Variants in ASAH2 observed in about 807,000 individuals in gnomAD.
ASAH2 encodes the protein neutral ceramidase.
In ASAH2, 58 loss-of-function variants were observed where a neutral mutation model predicts 82.9. The ratio of observed to expected loss-of-function variants is 0.70; its 90% CI spans 0.57 to 0.87. The LOEUF (loss-of-function observed/expected upper bound fraction) is 0.87. Among genes scored for constraint, ASAH2 ranks in the 40% least tolerant of loss-of-function variants. The pLI is 0.00. For missense variants in ASAH2, 779 were observed against 834.0 expected (o/e 0.93, Z 0.81); for synonymous variants, 276 against 289.7 (o/e 0.95, Z 0.48).
intron 4 of ASAH2, among the ~76,000 whole-genome samples, chr10:50,242,795 T>A (rs1288795832): frequency 6.6e-6 from 1 of 152,238 alleles, no homozygotes; most frequent in Non-Finnish European, 1.5e-5. Context: ...TGCGTTTTAA[T>A]TCGCATCCGA....
At position 50,210,857 on chromosome 10, in the gene ASAH2, A is replaced by G. The variant is rs1176840827; in HGVS notation, c.1380T>C (p.Thr460=). ...AATTGAGGCCTCCAACTCCATCAATAGTGCCAGCTGCAAAACTGTAGCCCA... is the reference window on the plus strand; with the variant it reads ...AATTGAGGCCTCCAACTCCATCAATGGTGCCAGCTGCAAAACTGTAGCCCA... ...PALGYSFAAG[T]IDGVGGLNFT... Residue 460 remains threonine, a synonymous_variant, in exon 12 of 21, where the codon ACT becomes ACC. Coordinates refer to ENST00000682911, the MANE Select transcript of ASAH2 (RefSeq NM_019893.4). 2 of 1,613,708 alleles carry G rather than the reference A, an allele frequency of 1.2e-6. No individual in the cohort carries two copies. The highest frequency in any genetic ancestry group is 1.7e-6 in the Non-Finnish European group (2 of 1,179,630).
intron 18 of ASAH2, among the ~76,000 whole-genome samples, chr10:50,193,284 CA>C (rs1844890109): frequency 6.6e-6 from 1 of 150,826 alleles, no homozygotes; most frequent in African/African-American, 2.5e-5. Flanking sequence ...TCAATGTCAT[CA>C]GAGTTTACGG....
intron 2 of ASAH2, among the ~76,000 whole-genome samples, chr10:50,246,128 A>T (rs1379185514): frequency 6.6e-6 from 1 of 152,138 alleles, no homozygotes; most frequent in Non-Finnish European, 1.5e-5. Context: ...TTTATTATAC[A>T]CACACATACA....
At chr10:50,245,529 A>T in intron 2 of ASAH2, 75 bp from the exon 3 acceptor site, 2 of 1,313,536 alleles carry the variant, frequency 1.5e-6, no homozygotes, top group Non-Finnish European at 2.1e-6. Context: ...AACACAATAT[A>T]TAGGCTCAGG....
At chr10:50,198,109 C>T (rs1272428029) in intron 17 of ASAH2, among the ~76,000 whole-genome samples, 2 of 151,914 alleles carry the variant, frequency 1.3e-5, no homozygotes, top group Admixed American at 6.6e-5. Context: ...AAATTTTCAA[C>T]GTTCAATTGA....
At chr10:50,203,398 T>A (rs1845210435) in intron 15 of ASAH2, among the ~76,000 whole-genome samples, 1 of 152,024 alleles carries the variant, frequency 6.6e-6, no homozygotes, top group Non-Finnish European at 1.5e-5. Flanking sequence ...TAGTATTTAA[T>A]GTATACAAAC....
chr10:50,242,526 T>G (rs1846329281), intron 4 of ASAH2, among the ~76,000 whole-genome samples: 2 of 152,210 alleles, frequency 1.3e-5, no homozygotes, highest in African/African-American at 4.8e-5. Flanking sequence ...GTGACCTGAT[T>G]CCATGCAGAA....
chr10:50,208,822 C>T (rs1411628231), intron 12 of ASAH2, among the ~76,000 whole-genome samples: 1 of 152,052 alleles, frequency 6.6e-6, no homozygotes, highest in African/African-American at 2.4e-5. Flanking sequence ...TCTAAAATTC[C>T]TGTGGAATCT....
At chr10:50,249,359 C>T (rs1364467292) in intron 1 of ASAH2, among the ~76,000 whole-genome samples, 5 of 152,110 alleles carry the variant, frequency 3.3e-5, no homozygotes, top group African/African-American at 1.2e-4. Context: ...TATCAAATGT[C>T]ATTACAGATT....
At chr10:50,248,405 T>G in intron 2 of ASAH2, 79 bp downstream of exon 2, 3 of 1,533,978 alleles carry the variant, frequency 2.0e-6, no homozygotes, top group Non-Finnish European at 2.7e-6. Context: ...AGACACTGTT[T>G]TTCTCTTTGG....
chr10:50,240,665 G>A (rs1846271262), intron 4 of ASAH2: 2 of 694,246 alleles, frequency 2.9e-6, no homozygotes, highest in Non-Finnish European at 2.6e-6. Flanking sequence ...GATCTCCTCT[G>A]TTCCCTCATG....
intron 7 of ASAH2, among the ~76,000 whole-genome samples, chr10:50,221,147 T>G (rs969429761): frequency 5.3e-5 from 8 of 152,226 alleles, no homozygotes; most frequent in Non-Finnish European, 1.0e-4. Context: ...TCGCAGTTAT[T>G]TGCAAGGTGT....
chr10:50,224,570 T>C (rs1845832890), intron 7 of ASAH2, among the ~76,000 whole-genome samples: 1 of 152,144 alleles, frequency 6.6e-6, no homozygotes, highest in Admixed American at 6.5e-5. Flanking sequence ...GCTCTTCTAT[T>C]TCCCAGTCTC....
intron 9 of ASAH2, 128 bp downstream of exon 9, chr10:50,214,615 C>T: frequency 8.8e-7 from 1 of 1,132,638 alleles, no homozygotes; most frequent in Non-Finnish European, 1.3e-6. Flanking sequence ...TTGAGAAGAG[C>T]AGATGCTAGG....
At chr10:50,241,572 A>G (rs1268913707) in intron 4 of ASAH2, among the ~76,000 whole-genome samples, 1 of 152,242 alleles carries the variant, frequency 6.6e-6, no homozygotes, top group African/African-American at 2.4e-5. Flanking sequence ...TGTATCTGCT[A>G]TAAAGACACT....
chr10:50,248,560 A>G lies in ASAH2; in HGVS notation c.51T>C (p.Leu17=), dbSNP rs1846532797. 6.2e-7 allele frequency: 1 copy of G among 1,613,566 alleles called. No homozygotes were observed. Among genetic ancestry groups the G allele is most frequent in the African/African-American group, 1.3e-5 (1 of 74,922 alleles). ...SNLETFLIFL[L]VMMSAITVAL... is the part of the protein sequence containing the mutation. ...CCACTGTGATGGCACTCATCATTAC[A>G]AGGAGGAAAATCAGGAATGTCTCCA... The change falls in exon 2 of 21, where the codon CTT becomes CTC. Residue 17 remains leucine, a synonymous_variant. Transcript: ENST00000682911.
chr10:50,210,967 A>C (rs1441777586), intron 11 of ASAH2, 63 bp from the exon 12 acceptor site: 4 of 1,601,404 alleles, frequency 2.5e-6, no homozygotes, highest in Non-Finnish European at 3.4e-6. Flanking sequence ...CTGAAAGTAA[A>C]TAATGAGATC....
chr10:50,246,262 A>T (rs1001451899), intron 2 of ASAH2, among the ~76,000 whole-genome samples: 4 of 152,026 alleles, frequency 2.6e-5, no homozygotes, highest in African/African-American at 9.7e-5. Flanking sequence ...AGCCTATTTC[A>T]CCCCAATGTT....
intron 13 of ASAH2, among the ~76,000 whole-genome samples, chr10:50,205,720 T>C (rs1845275024): frequency 6.6e-6 from 1 of 151,990 alleles, no homozygotes; most frequent in South Asian, 2.1e-4. Context: ...GTAAGATAAA[T>C]GTTCATCTTA....
Sources: gnomAD v4.1 joint callset for allele counts (sites outside exome capture counted in the v4.1 genomes callset) on GRCh38, gnomAD v4.1.1 for gene constraint, MANE v1.5 for transcripts, NCBI Gene and HGNC (gene_info 2026-07-23, HGNC 2026-07-21) for gene names.